GPC5: variants seen among roughly 807,000 people sequenced by gnomAD.
GPC5 encodes glypican 5, also known as glypican-5.
A neutral mutation model predicts 53.9 loss-of-function variants in GPC5; 47 were observed. That is an observed-to-expected ratio of 0.87 (90% confidence interval 0.69 to 1.11). The LOEUF (loss-of-function observed/expected upper bound fraction) is 1.11, where lower values mean the gene tolerates loss of function less well. Ranked by LOEUF, GPC5 falls within the 50% of genes most tolerant of loss-of-function variation. GPC5 has a pLI of 0.00. For missense variants in GPC5, 748 were observed against 713.1 expected, an observed-to-expected ratio of 1.05 and a Z score of -0.56; for synonymous variants, 286 against 263.3, an observed-to-expected ratio of 1.09 and a Z score of -0.84.
intron 7 of GPC5, among the ~76,000 whole-genome samples, chr13:92,626,610 T>A (rs752147870): frequency 2.0e-5 from 3 of 152,182 alleles, no homozygotes; most frequent in Non-Finnish European, 4.4e-5. Flanking sequence ...GAGTCTCTTT[T>A]TAGAGCCTCA....
chr13:92,361,122 A>T (rs2139281378), intron 7 of GPC5, among the ~76,000 whole-genome samples: 1 of 151,896 alleles, frequency 6.6e-6, no homozygotes, highest in African/African-American at 2.4e-5. Context: ...CTTAAGGAAA[A>T]CAATATCTCC....
chr13:92,064,901 G>T (rs1226741974), intron 6 of GPC5, among the ~76,000 whole-genome samples: 1 of 82,456 alleles, frequency 1.2e-5, no homozygotes, highest in Admixed American at 1.6e-4. Flanking sequence ...GTTTACCACC[G>T]ATTTAAATAA....
intron 6 of GPC5, among the ~76,000 whole-genome samples, chr13:91,944,375 C>A (rs572271120): frequency 6.6e-6 from 1 of 152,242 alleles, no homozygotes; most frequent in South Asian, 2.1e-4. Flanking sequence ...GGATTACAGG[C>A]GTGAGCCACC....
intron 7 of GPC5, among the ~76,000 whole-genome samples, chr13:92,843,686 A>G (rs1878506701): frequency 6.6e-6 from 1 of 152,188 alleles, no homozygotes; most frequent in Admixed American, 6.6e-5. Flanking sequence ...TTCATTAACC[A>G]TACATGACTC....
At chr13:92,121,621 T>C (rs372687742) in intron 6 of GPC5, among the ~76,000 whole-genome samples, 1 of 152,212 alleles carries the variant, frequency 6.6e-6, no homozygotes, top group Non-Finnish European at 1.5e-5. Context: ...TTCTTATCCA[T>C]GGTGATTTTT....
At position 92,155,624 on chromosome 13, in the gene GPC5, C is replaced by A. The variant is rs151269671; in HGVS notation, c.1561+10635C>A. 7.0e-3 allele frequency among the ~76,000 whole-genome samples: 1,059 copies of A among 152,168 alleles called. 10 individuals carry two copies. Among genetic ancestry groups the A allele is most frequent in the African/African-American group, 0.024 (1,013 of 41,556 alleles). On this transcript the variant is annotated intron_variant, in intron 7 of 7. Coordinates refer to ENST00000377067, the MANE Select transcript of GPC5 (RefSeq NM_004466.6). ...CTTTTTCCTCAACCTTTTTGATCTTCGCTCAAATTCTTTTGGATTGGAAAA... is the reference window on the plus strand; with the variant it reads ...CTTTTTCCTCAACCTTTTTGATCTTAGCTCAAATTCTTTTGGATTGGAAAA...
rs530657994 is a variant in GPC5, at chr13:91,399,201, C to G, written c.155C>G (p.Pro52Arg). The G allele has an allele frequency of 1.2e-6, 2 of 1,611,924 alleles. No homozygotes were observed. The highest frequency in any genetic ancestry group is 2.7e-5 in the African/African-American group (2 of 75,030). Residue 52 changes from proline (P) to arginine (R), a missense_variant, in exon 1 of 8, where the codon CCG becomes CGG. Pro to Arg is a moderately radical substitution (Grantham distance 103, BLOSUM62 -2). Transcript: ENST00000377067. ...LGAVRGLPDS[P>R]RAGPDLQVCI... The stretch of plus-strand genomic sequence containing the variant: ...GCTGTCAGGGGGCTGCCGGATTCGC[C>G]GCGGGCAGGTAAGGGGCAATGAGGG...
intron 6 of GPC5, among the ~76,000 whole-genome samples, chr13:91,933,211 ATTATGTGCTTCTTTGC>A (rs1002163820): frequency 3.3e-5 from 5 of 151,870 alleles, no homozygotes; most frequent in African/African-American, 7.3e-5. Context: ...CTGACATTTC[ATTATGTGCTTCTTTGC>A]TCAGGCCTGT....
intron 6 of GPC5, among the ~76,000 whole-genome samples, chr13:91,942,724 A>ATG (rs372522759): frequency 0.018 from 2,729 of 151,790 alleles, 76 homozygotes; most frequent in African/African-American, 0.063. Context: ...AATGTTTTGT[A>ATG]TGTGTGTGTG....
chr13:91,868,946 A>G (rs2039113953), intron 5 of GPC5, among the ~76,000 whole-genome samples: 1 of 152,160 alleles, frequency 6.6e-6, no homozygotes, highest in Non-Finnish European at 1.5e-5. Flanking sequence ...GGAACATTTC[A>G]CTTTTTGAAA....
chr13:92,679,388 C>T (rs1443562993), intron 7 of GPC5, among the ~76,000 whole-genome samples: 2 of 152,044 alleles, frequency 1.3e-5, no homozygotes, highest in African/African-American at 4.8e-5. Flanking sequence ...TGCTTATTAG[C>T]AGGATTTTTC....
At chr13:92,648,926 G>A (rs1449945546) in intron 7 of GPC5, among the ~76,000 whole-genome samples, 5 of 152,030 alleles carry the variant, frequency 3.3e-5, no homozygotes, top group Admixed American at 3.3e-4. Context: ...CTCATGGAGG[G>A]TGGTTATTCA....
At chr13:92,620,837 C>T (rs72641003) in intron 7 of GPC5, among the ~76,000 whole-genome samples, 9 of 152,308 alleles carry the variant, frequency 5.9e-5, no homozygotes, top group Admixed American at 1.3e-4. Context: ...CTTCCCATAT[C>T]ACTATCTTTA....
At position 91,784,960 on chromosome 13, in the gene GPC5, G is replaced by A. The variant is rs533643320; in HGVS notation, c.1280+28540G>A. 3.7e-4 allele frequency among the ~76,000 whole-genome samples: 57 copies of A among 152,226 alleles called. 1 individual carries two copies. The Middle Eastern group carries it at 0.01, about 27-fold the overall frequency. The stretch of plus-strand genomic sequence containing the variant: ...GTGACCTCTGATTGCTAAGCCCAGT[G>A]GTTGCTACTTGGGTATCTTTTTATT... On this transcript the variant is annotated intron_variant, in intron 5 of 7. Transcript: ENST00000377067.
chr13:92,087,870 C>G (rs1172280161), intron 6 of GPC5, among the ~76,000 whole-genome samples: 1 of 151,922 alleles, frequency 6.6e-6, no homozygotes, highest in Non-Finnish European at 1.5e-5. Flanking sequence ...TGAGAGAACT[C>G]CAGTGGGCCA....
At chr13:91,896,885 C>A (rs958341115) in intron 5 of GPC5, among the ~76,000 whole-genome samples, 1 of 152,100 alleles carries the variant, frequency 6.6e-6, no homozygotes, top group African/African-American at 2.4e-5. Flanking sequence ...TATATACAAG[C>A]GAACACAAAT....
At chr13:92,786,597 T>G (rs185822107) in intron 7 of GPC5, among the ~76,000 whole-genome samples, 92 of 152,178 alleles carry the variant, frequency 6.0e-4, no homozygotes, top group African/African-American at 2.0e-3. Flanking sequence ...GGCAAAATCT[T>G]CTAGTAAAAT....
chr13:92,102,063 A>G (rs1187531201), intron 6 of GPC5, among the ~76,000 whole-genome samples: 1 of 152,194 alleles, frequency 6.6e-6, no homozygotes, highest in African/African-American at 2.4e-5. Context: ...CTTGGCATTC[A>G]TAAGTGTGTA....
At chr13:91,587,031 T>A (rs2032623472) in intron 2 of GPC5, among the ~76,000 whole-genome samples, 1 of 152,106 alleles carries the variant, frequency 6.6e-6, no homozygotes, top group Non-Finnish European at 1.5e-5. Context: ...AAAAGCAACT[T>A]CTAAAATGTT....
Sources: gnomAD v4.1 joint callset for allele counts (sites outside exome capture counted in the v4.1 genomes callset) on GRCh38, gnomAD v4.1.1 for gene constraint, MANE v1.5 for transcripts, NCBI Gene and HGNC (gene_info 2026-07-23, HGNC 2026-07-21) for gene names.